The following CTNNA2 variants were observed in gnomAD, a reference collection of about 807,000 sequenced individuals.
CTNNA2 encodes catenin alpha-2.
Under a neutral mutation model 101.0 loss-of-function variants are expected in CTNNA2, and 42 were observed. The ratio of observed to expected loss-of-function variants is 0.42; its 90% CI spans 0.32 to 0.54. The LOEUF is 0.54. Ranked by LOEUF, CTNNA2 falls within the 20% of genes least tolerant of loss-of-function variation. CTNNA2 has a pLI of 0.14. For synonymous variants in CTNNA2, 450 were observed against 456.4 expected (o/e 0.99, Z 0.18); for missense variants, 871 against 1,223.1 (o/e 0.71, Z 4.29).
At chr2:79,500,930 G>A (rs1671312438) in intron 4 of CTNNA2, 1 of 152,166 alleles carries the variant, frequency 6.6e-6, no homozygotes, top group Non-Finnish European at 1.5e-5. Context: ...ACACCGTTTT[G>A]TCACTTTTGT....
intron 7 of CTNNA2, among the ~76,000 whole-genome samples, chr2:80,380,121 C>T (rs1323423294): frequency 3.3e-5 from 5 of 150,022 alleles, no homozygotes; most frequent in Non-Finnish European, 7.4e-5. Context: ...ACTGCAAGCT[C>T]CGCCTCCCGG....
intron 7 of CTNNA2, among the ~76,000 whole-genome samples, chr2:80,254,796 A>C (rs549890837): frequency 4.7e-4 from 71 of 152,150 alleles, no homozygotes; most frequent in Non-Finnish European, 8.7e-4. Context: ...TTAAATTACT[A>C]AGTTTGAGGA....
chr2:80,571,647 C>T (rs6710710), intron 12 of CTNNA2, among the ~76,000 whole-genome samples: 65,180 of 151,858 alleles, frequency 0.43, 14,110 homozygotes, highest in South Asian at 0.6. Flanking sequence ...CCTACTCACA[C>T]GATATTGTTT....
chr2:80,101,373 T>G (rs60016216), intron 7 of CTNNA2, among the ~76,000 whole-genome samples: 6,964 of 152,246 alleles, frequency 0.046, 497 homozygotes, highest in African/African-American at 0.15. Context: ...CATTATGATT[T>G]TAATCTGCCA....
chr2:79,835,610 G>A (rs1679266243), intron 3 of CTNNA2, among the ~76,000 whole-genome samples: 1 of 148,372 alleles, frequency 6.7e-6, no homozygotes, highest in African/African-American at 2.5e-5. Context: ...GAGGCCATTA[G>A]ATGTGAAGCC....
intron 2 of CTNNA2, among the ~76,000 whole-genome samples, chr2:79,268,589 C>T (rs1675018809): frequency 6.6e-6 from 1 of 152,036 alleles, no homozygotes; most frequent in Non-Finnish European, 1.5e-5. Flanking sequence ...CAACCTGGGG[C>T]TTGTGATTGG....
intron 7 of CTNNA2, among the ~76,000 whole-genome samples, chr2:80,271,856 A>G (rs1392906998): frequency 6.6e-6 from 1 of 152,216 alleles, no homozygotes; most frequent in Admixed American, 6.5e-5. Context: ...CCATATAAGG[A>G]TCATATTAAA....
chr2:79,337,423 A>G (rs1677019182), intron 3 of CTNNA2, among the ~76,000 whole-genome samples: 1 of 152,220 alleles, frequency 6.6e-6, no homozygotes, highest in Non-Finnish European at 1.5e-5. Flanking sequence ...GAAAATGTAC[A>G]TGTGGCCAAC....
chr2:80,095,415 T>C (rs1700081874), intron 7 of CTNNA2, among the ~76,000 whole-genome samples: 1 of 152,248 alleles, frequency 6.6e-6, no homozygotes. Flanking sequence ...CAGTATTTTA[T>C]TGAGGATTTT....
intron 7 of CTNNA2, among the ~76,000 whole-genome samples, chr2:80,252,347 C>A (rs1402426189): frequency 2.0e-5 from 3 of 152,098 alleles, no homozygotes; most frequent in African/African-American, 7.2e-5. Flanking sequence ...ATGCCTAATT[C>A]TTTATGCCTT....
intron 7 of CTNNA2, among the ~76,000 whole-genome samples, chr2:80,131,646 TTCCATGGC>T (rs1228261600): frequency 1.3e-5 from 2 of 152,120 alleles, no homozygotes; most frequent in Admixed American, 1.3e-4. Context: ...AGCCCACAGA[TTCCATGGC>T]TCTGATTTTT....
intron 3 of CTNNA2, among the ~76,000 whole-genome samples, chr2:79,800,372 A>G (rs902355492): frequency 6.6e-6 from 1 of 152,100 alleles, no homozygotes; most frequent in African/African-American, 2.4e-5. Context: ...GTACATTCCC[A>G]CCTAGATTCA....
At chr2:80,124,759 C>A (rs772250770) in intron 7 of CTNNA2, among the ~76,000 whole-genome samples, 2 of 152,090 alleles carry the variant, frequency 1.3e-5, no homozygotes, top group African/African-American at 2.4e-5. Context: ...CGAGGTTACC[C>A]CTCCCCTTCC....
intron 12 of CTNNA2, among the ~76,000 whole-genome samples, chr2:80,569,040 T>A (rs1694320636): frequency 6.6e-6 from 1 of 152,162 alleles, no homozygotes; most frequent in Non-Finnish European, 1.5e-5. Context: ...TGACTCTTCA[T>A]CTCTGCTACC....
At chr2:80,312,641 C>T (rs1179330018) in intron 7 of CTNNA2, among the ~76,000 whole-genome samples, 1 of 152,180 alleles carries the variant, frequency 6.6e-6, no homozygotes, top group Non-Finnish European at 1.5e-5. Context: ...TGAAGAGAAA[C>T]TTGGGGTTCA....
At chr2:80,341,361 G>A (rs1441153204) in intron 7 of CTNNA2, among the ~76,000 whole-genome samples, 1 of 152,104 alleles carries the variant, frequency 6.6e-6, no homozygotes, top group African/African-American at 2.4e-5. Context: ...ATATAGAAAA[G>A]ACGCTCATCA....
At chr2:79,729,950 A>T (rs551076724) in intron 2 of CTNNA2, among the ~76,000 whole-genome samples, 1 of 152,262 alleles carries the variant, frequency 6.6e-6, no homozygotes, top group Non-Finnish European at 1.5e-5. Flanking sequence ...AAAACAAGGG[A>T]ATGTTTTTAA....
At chr2:79,764,203 T>G (rs12713991) in intron 3 of CTNNA2, among the ~76,000 whole-genome samples, 101,523 of 152,068 alleles carry the variant, frequency 0.67, 36,362 homozygotes, top group East Asian at 0.97. Context: ...CAGTAAATTT[T>G]GCTAGCAATA....
At chr2:80,023,451 T>C (rs1433177653) in intron 7 of CTNNA2, among the ~76,000 whole-genome samples, 1 of 151,452 alleles carries the variant, frequency 6.6e-6, no homozygotes, top group Non-Finnish European at 1.5e-5. Flanking sequence ...TTCCTTGGAC[T>C]GTGGATTCAG....
Sources: gnomAD v4.1 joint callset for allele counts (sites outside exome capture counted in the v4.1 genomes callset) on GRCh38, gnomAD v4.1.1 for gene constraint, MANE v1.5 for transcripts, NCBI Gene and HGNC (gene_info 2026-07-23, HGNC 2026-07-21) for gene names.